NCOA1: variants seen among roughly 807,000 people sequenced by gnomAD.
NCOA1 encodes nuclear receptor coactivator 1, also known as Hin-2 protein.
A neutral mutation model predicts 150.9 loss-of-function variants in NCOA1; 35 were observed. The observed-to-expected ratio is 0.23, with a 90% CI of 0.18 to 0.31. NCOA1 has a LOEUF of 0.31. Ranked by LOEUF, NCOA1 falls within the 10% of genes least tolerant of loss-of-function variation. NCOA1 has a pLI of 1.00. For synonymous variants in NCOA1, 590 were observed against 630.0 expected (o/e 0.94, Z 0.95); for missense variants, 1,491 against 1,749.3 (o/e 0.85, Z 2.63).
At chr2:24,602,096 C>T (rs1004842091) in intron 3 of NCOA1, among the ~76,000 whole-genome samples, 1 of 152,102 alleles carries the variant, frequency 6.6e-6, no homozygotes, top group Non-Finnish European at 1.5e-5. Context: ...TTAGGAAGAA[C>T]CCTGGAACTT....
intron 3 of NCOA1, among the ~76,000 whole-genome samples, chr2:24,588,687 C>G (rs1300417816): frequency 6.6e-6 from 1 of 152,128 alleles, no homozygotes; most frequent in Non-Finnish European, 1.5e-5. Flanking sequence ...CTGCCCACAC[C>G]CCCAGGCCCT....
At chr2:24,705,604 G>T (rs55827550) in intron 12 of NCOA1, among the ~76,000 whole-genome samples, 1 of 151,916 alleles carries the variant, frequency 6.6e-6, no homozygotes, top group Non-Finnish European at 1.5e-5. Flanking sequence ...GGCATACTTG[G>T]TGGCTCCTGA....
chr2:24,748,599 A>G (rs1221046308), intron 19 of NCOA1, among the ~76,000 whole-genome samples: 2 of 147,642 alleles, frequency 1.4e-5, no homozygotes, highest in African/African-American at 2.5e-5. Context: ...CTGGGCAACA[A>G]GAGTGAAACT....
intron 19 of NCOA1, among the ~76,000 whole-genome samples, chr2:24,743,414 A>G (rs1663709329): frequency 1.3e-5 from 2 of 152,222 alleles, no homozygotes; most frequent in South Asian, 4.1e-4. Flanking sequence ...TGTGCCAGAG[A>G]GCACCAGAAC....
rs773857143 is a variant in NCOA1, at chr2:24,765,896, C to CTTTTTTTTTTTTT, written c.4156-2318_4156-2306dup. On this transcript the variant is annotated intron_variant, in intron 22 of 22. Coordinates refer to ENST00000348332, the MANE Select transcript of NCOA1 (RefSeq NM_003743.5). ...AGTTTTCTGTAATTTCAATAATACA[C>CTTTTTTTTTTTTT]TTTTTTTTTTTTTTTTTTTGAGACG... Among the ~76,000 whole-genome samples the CTTTTTTTTTTTTT allele has an allele frequency of 1.6e-3, 205 of 128,008 alleles. 3 individuals are homozygous for CTTTTTTTTTTTTT. Among genetic ancestry groups the CTTTTTTTTTTTTT allele is most frequent in the East Asian group, 3.4e-3 (15 of 4,438 alleles). 84.0% of individuals were successfully genotyped at this position (128,008 alleles called of 152,430 possible).
intron 1 of NCOA1, among the ~76,000 whole-genome samples, chr2:24,498,190 T>A (rs991110242): frequency 6.6e-5 from 10 of 152,240 alleles, no homozygotes; most frequent in African/African-American, 2.4e-4. Context: ...AATATCTCCC[T>A]CTCCATTCTA....
intron 19 of NCOA1, among the ~76,000 whole-genome samples, chr2:24,750,046 A>G (rs906998777): frequency 6.6e-6 from 1 of 152,150 alleles, no homozygotes; most frequent in Non-Finnish European, 1.5e-5. Flanking sequence ...AAAACAAAAC[A>G]AAACAAAAAA....
chr2:24,755,820 C>A (rs897647144), intron 20 of NCOA1, among the ~76,000 whole-genome samples: 1 of 152,186 alleles, frequency 6.6e-6, no homozygotes, highest in African/African-American at 2.4e-5. Flanking sequence ...AGTATGACAT[C>A]ATTGCAGTCC....
intron 3 of NCOA1, among the ~76,000 whole-genome samples, chr2:24,628,884 G>A (rs1669549117): frequency 6.6e-6 from 1 of 152,170 alleles, no homozygotes; most frequent in Non-Finnish European, 1.5e-5. Context: ...GCTATGCTGT[G>A]AGTTTTGGAT....
intron 5 of NCOA1, among the ~76,000 whole-genome samples, chr2:24,659,510 T>A (rs969733333): frequency 6.6e-6 from 1 of 152,192 alleles, no homozygotes; most frequent in Non-Finnish European, 1.5e-5. Flanking sequence ...CATAGTTATA[T>A]TCAGTCCTAT....
intron 2 of NCOA1, among the ~76,000 whole-genome samples, chr2:24,579,571 G>A (rs999128471): frequency 9.7e-4 from 147 of 152,258 alleles, no homozygotes; most frequent in Middle Eastern, 3.4e-3. Context: ...CTTGAGTGGC[G>A]AAGACAGTCA....
At chr2:24,646,742 A>G (rs1420988940) in intron 4 of NCOA1, among the ~76,000 whole-genome samples, 4 of 151,006 alleles carry the variant, frequency 2.6e-5, no homozygotes, top group Non-Finnish European at 4.4e-5. Flanking sequence ...TATCTTAAAT[A>G]ACAAAGTCTA....
chr2:24,760,499 C>G (rs6710087), intron 21 of NCOA1, among the ~76,000 whole-genome samples: 2 of 151,942 alleles, frequency 1.3e-5, no homozygotes, highest in Admixed American at 6.6e-5. Flanking sequence ...GGCTAATGAG[C>G]TTTTCTATGT....
chr2:24,646,348 C>A (rs1191709427), intron 4 of NCOA1, among the ~76,000 whole-genome samples: 1 of 152,126 alleles, frequency 6.6e-6, no homozygotes, highest in East Asian at 1.9e-4. Flanking sequence ...CAATCATGAT[C>A]CTTCACTCTA....
chr2:24,559,603 C>G (rs1666214898), intron 1 of NCOA1, among the ~76,000 whole-genome samples: 1 of 152,120 alleles, frequency 6.6e-6, no homozygotes, highest in Non-Finnish European at 1.5e-5. Context: ...CAACTGGGCT[C>G]TCTCAGCCTC....
In NCOA1 at chr2:24,737,185, G is replaced by T. The variant is rs974162206; in HGVS notation, c.3202-2247G>T. Among the ~76,000 whole-genome samples, 6 of 152,144 alleles carry T rather than the reference G, an allele frequency of 3.9e-5. No homozygotes were observed. The East Asian group carries it at 1.2e-3, about 29-fold the overall frequency. ...GGAATGTAGCGATCCTTTTGGGAAGGCTATGTTGGAAGAAGTGGAACTTGA... is the reference window on the plus strand; with the variant it reads ...GGAATGTAGCGATCCTTTTGGGAAGTCTATGTTGGAAGAAGTGGAACTTGA... On this transcript the variant is annotated intron_variant, in intron 17 of 22. Transcript: ENST00000348332.
chr2:24,666,766 G>A (rs770114663), intron 6 of NCOA1, among the ~76,000 whole-genome samples: 1 of 151,992 alleles, frequency 6.6e-6, no homozygotes, highest in Non-Finnish European at 1.5e-5. Flanking sequence ...CCAAGTAGCT[G>A]GGATTACAAG....
chr2:24,500,213 A>AT (rs1663401717), intron 1 of NCOA1, among the ~76,000 whole-genome samples: 1 of 151,968 alleles, frequency 6.6e-6, no homozygotes, highest in Non-Finnish European at 1.5e-5. Context: ...GGTTCAAGTG[A>AT]TTCTCCTGCC....
chr2:24,686,268 G>A (rs1233661043), intron 8 of NCOA1, among the ~76,000 whole-genome samples: 1 of 152,164 alleles, frequency 6.6e-6, no homozygotes, highest in Non-Finnish European at 1.5e-5. Context: ...CTCTCAAAGT[G>A]CTGGGATTAC....
Sources: gnomAD v4.1 joint callset for allele counts (sites outside exome capture counted in the v4.1 genomes callset) on GRCh38, gnomAD v4.1.1 for gene constraint, MANE v1.5 for transcripts, NCBI Gene and HGNC (gene_info 2026-07-23, HGNC 2026-07-21) for gene names.